The following GRIN2A variants were observed in gnomAD, a reference collection of about 807,000 sequenced individuals.
GRIN2A encodes glutamate receptor ionotropic, NMDA 2A.
A neutral mutation model predicts 113.4 loss-of-function variants in GRIN2A; 22 were observed. That is an observed-to-expected ratio of 0.19 (90% confidence interval 0.14 to 0.28). The LOEUF (loss-of-function observed/expected upper bound fraction) is 0.28. Ranked by LOEUF, GRIN2A falls within the 10% of genes least tolerant of loss-of-function variation. The pLI is 1.00. For synonymous variants in GRIN2A, 827 were observed against 738.4 expected, an observed-to-expected ratio of 1.12 and a Z score of -1.94; for missense variants, 1,502 against 1,887.0, an observed-to-expected ratio of 0.80 and a Z score of 3.78.
intron 2 of GRIN2A, among the ~76,000 whole-genome samples, chr16:9,963,837 T>G (rs1349705017): frequency 6.6e-6 from 1 of 152,214 alleles, no homozygotes; most frequent in Non-Finnish European, 1.5e-5. Context: ...ATAGCAATGA[T>G]GGACAAACTC....
chr16:9,953,536 A>T (rs2045231920), intron 2 of GRIN2A, among the ~76,000 whole-genome samples: 1 of 152,072 alleles, frequency 6.6e-6, no homozygotes, highest in South Asian at 2.1e-4. Context: ...AGGTCTGAAG[A>T]TGAGAAAGGG....
intron 2 of GRIN2A, among the ~76,000 whole-genome samples, chr16:10,091,303 G>A (rs988719933): frequency 2.6e-5 from 4 of 152,232 alleles, no homozygotes; most frequent in East Asian, 1.9e-4. Flanking sequence ...AAATACCCAT[G>A]AGCTGGTAAA....
chr16:9,957,707 T>C (rs1157639485), intron 2 of GRIN2A, among the ~76,000 whole-genome samples: 1 of 152,270 alleles, frequency 6.6e-6, no homozygotes, highest in African/African-American at 2.4e-5. Flanking sequence ...AATGGGGCTA[T>C]CTCAACTCTT....
chr16:9,958,149 GA>G (rs577588035), intron 2 of GRIN2A, among the ~76,000 whole-genome samples: 78 of 152,258 alleles, frequency 5.1e-4, no homozygotes, highest in African/African-American at 1.6e-3. Context: ...CTGCATAAGC[GA>G]CTGTGAGGAT....
chr16:9,823,106 C>A (rs1252145377), intron 9 of GRIN2A, among the ~76,000 whole-genome samples: 3 of 152,188 alleles, frequency 2.0e-5, no homozygotes, highest in Non-Finnish European at 4.4e-5. Context: ...ACTCGGCACT[C>A]AAGCCCCCCA....
chr16:9,830,798 C>T lies in GRIN2A; in HGVS notation c.1778-1146G>A, dbSNP rs1391888914. ...CATTAAAGAGAAAGCAGTTAATTCT[C>T]TTATTCTCAATCTCTCCTGTTTCTA... On this transcript the variant is annotated intron_variant, in intron 8 of 12. Coordinates refer to ENST00000330684, the MANE Select transcript of GRIN2A (RefSeq NM_001134407.3). 2.0e-5 allele frequency among the ~76,000 whole-genome samples: 3 copies of T among 152,192 alleles called. No individual in the cohort carries two copies. The East Asian group carries it at 5.8e-4, about 29-fold the overall frequency.
At chr16:9,999,868 C>G (rs1167957005) in intron 2 of GRIN2A, among the ~76,000 whole-genome samples, 3 of 152,132 alleles carry the variant, frequency 2.0e-5, no homozygotes, top group African/African-American at 7.2e-5. Flanking sequence ...GAATAACACA[C>G]AATTATTATT....
chr16:9,833,714 G>A (rs1395408713), intron 8 of GRIN2A, among the ~76,000 whole-genome samples: 2 of 152,178 alleles, frequency 1.3e-5, no homozygotes, highest in Non-Finnish European at 2.9e-5. Flanking sequence ...CACCAACGCA[G>A]TATAATGTAT....
chr16:9,874,047 TC>T (rs1371575075), intron 4 of GRIN2A, among the ~76,000 whole-genome samples: 1 of 152,216 alleles, frequency 6.6e-6, no homozygotes, highest in East Asian at 1.9e-4. Context: ...CTCTTGTTTT[TC>T]CCCAACTTTA....
intron 3 of GRIN2A, among the ~76,000 whole-genome samples, chr16:9,916,820 CAT>C (rs908934103): frequency 1.3e-5 from 2 of 152,158 alleles, no homozygotes; most frequent in Non-Finnish European, 2.9e-5. Context: ...GGTCATTTAA[CAT>C]ATGAAAGGAA....
intron 2 of GRIN2A, among the ~76,000 whole-genome samples, chr16:10,105,196 A>G (rs1161899590): frequency 6.6e-6 from 1 of 152,262 alleles, no homozygotes; most frequent in African/African-American, 2.4e-5. Flanking sequence ...AACCCCTGAC[A>G]AAAAGCCTAA....
In GRIN2A at chr16:9,755,772, C is replaced by T. The variant is rs1294673869; in HGVS notation, c.*7377G>A. On this transcript the variant is annotated 3_prime_UTR_variant, in exon 13 of 13. Transcript: ENST00000330684. Reference sequence around the variant, plus strand: ...AAAGCCCGGTGGAAGCGTTCCAGTTCAACACTCTTCAGTGGGACAGAATAA... The same window carrying T: ...AAAGCCCGGTGGAAGCGTTCCAGTTTAACACTCTTCAGTGGGACAGAATAA... 1 of 206,552 alleles carries T rather than the reference C, an allele frequency of 4.8e-6. No homozygotes were observed. The highest frequency in any genetic ancestry group is 2.3e-5 in the African/African-American group (1 of 43,498). 12.8% of individuals were successfully genotyped at this position (206,552 alleles called of 1,614,324 possible). A position where few individuals can be genotyped will look rare whatever the true frequency, so the allele number is the denominator to read the frequency against.
At position 9,764,061 on chromosome 16, in the gene GRIN2A, C is replaced by T. The variant is rs763352838; in HGVS notation, c.3483G>A (p.Gly1161=). 5 of 1,613,640 alleles carry T rather than the reference C, an allele frequency of 3.1e-6. No homozygotes were observed. Among genetic ancestry groups the T allele is most frequent in the Middle Eastern group, 1.6e-4 (1 of 6,062 alleles). The change falls in exon 13 of 13, where the codon GGG becomes GGA. Residue 1161 remains glycine, a synonymous_variant. Coordinates refer to ENST00000330684, the MANE Select transcript of GRIN2A (RefSeq NM_001134407.3). ...YQDPSENFRK[G]DSTLPMNRNP... is the part of the protein sequence containing the mutation. The stretch of plus-strand genomic sequence containing the variant: ...TCCGGTTCATTGGCAGCGTGGAGTC[C>T]CCCTTGCGGAAGTTTTCACTGGGAT...
intron 2 of GRIN2A, among the ~76,000 whole-genome samples, chr16:10,103,185 T>G (rs12598826): frequency 0.41 from 61,697 of 151,856 alleles, 12,694 homozygotes; most frequent in East Asian, 0.46. Context: ...AGAAAGTAAA[T>G]ATGGGAAAAT....
At chr16:9,805,353 G>T (rs1348599070) in intron 10 of GRIN2A, 6 of 152,202 alleles carry the variant, frequency 3.9e-5, no homozygotes, top group African/African-American at 1.2e-4. Flanking sequence ...TAACATTCAA[G>T]AAGCCTTTAA....
intron 2 of GRIN2A, among the ~76,000 whole-genome samples, chr16:10,125,877 G>A (rs2048923854): frequency 6.6e-6 from 1 of 152,008 alleles, no homozygotes; most frequent in Admixed American, 6.5e-5. Flanking sequence ...GCTCCCTAGA[G>A]TACAGCGAGT....
At chr16:9,792,143 A>T (rs554732647) in intron 11 of GRIN2A, among the ~76,000 whole-genome samples, 1 of 152,136 alleles carries the variant, frequency 6.6e-6, no homozygotes, top group South Asian at 2.1e-4. Context: ...TTATATGTAC[A>T]AATATGATAT....
chr16:9,959,689 A>G (rs1479694611), intron 2 of GRIN2A, among the ~76,000 whole-genome samples: 2 of 152,190 alleles, frequency 1.3e-5, no homozygotes, highest in Non-Finnish European at 2.9e-5. Context: ...AATTAAAAAC[A>G]TTGGCCAGGC....
chr16:10,063,776 A>G (rs2047594617), intron 2 of GRIN2A, among the ~76,000 whole-genome samples: 1 of 152,190 alleles, frequency 6.6e-6, no homozygotes, highest in Non-Finnish European at 1.5e-5. Context: ...AGTCAAAATA[A>G]TAAAAAAGAA....
Sources: gnomAD v4.1 joint callset for allele counts (sites outside exome capture counted in the v4.1 genomes callset) on GRCh38, gnomAD v4.1.1 for gene constraint, MANE v1.5 for transcripts, NCBI Gene and HGNC (gene_info 2026-07-23, HGNC 2026-07-21) for gene names.